The following PRDM1 variants were observed in gnomAD, a reference collection of about 807,000 sequenced individuals.
The protein encoded by PRDM1 is PR/SET domain 1.
In PRDM1, 13 loss-of-function variants were observed where a neutral mutation model predicts 62.8. The ratio of observed to expected loss-of-function variants is 0.21; its 90% CI spans 0.13 to 0.33. The LOEUF (loss-of-function observed/expected upper bound fraction) is 0.33, where lower values mean the gene tolerates loss of function less well. PRDM1 is among the 10% of genes least tolerant of loss of function. The pLI is 1.00. For missense variants in PRDM1, 895 were observed against 1,058.8 expected (o/e 0.85, Z 2.15); for synonymous variants, 396 against 417.6 (o/e 0.95, Z 0.63).
intron 1 of PRDM1, among the ~76,000 whole-genome samples, chr6:106,086,915 T>A (rs1773825293): frequency 6.6e-6 from 1 of 152,188 alleles, no homozygotes; most frequent in Non-Finnish European, 1.5e-5. Flanking sequence ...TGACTCTACA[T>A]GTTGGAACTA....
intron 1 of PRDM1, among the ~76,000 whole-genome samples, chr6:106,055,857 C>A (rs1025284527): frequency 6.6e-6 from 1 of 152,166 alleles, no homozygotes; most frequent in African/African-American, 2.4e-5. Flanking sequence ...TGCTTGCAAA[C>A]GTGCCTGTTG....
At chr6:106,015,874 T>C (rs1293992644) in intron 1 of PRDM1, among the ~76,000 whole-genome samples, 1 of 152,172 alleles carries the variant, frequency 6.6e-6, no homozygotes, top group East Asian at 1.9e-4. Flanking sequence ...TCTTCAAGTA[T>C]GCTATTCAGT....
At chr6:105,996,922 GAAAT>G (rs1772355662) in intron 1 of PRDM1, among the ~76,000 whole-genome samples, 1 of 152,160 alleles carries the variant, frequency 6.6e-6, no homozygotes, top group Non-Finnish European at 1.5e-5. Flanking sequence ...TTGCCACATT[GAAAT>G]AAATAAGAAA....
chr6:106,049,583 C>T (rs1458858985), intron 1 of PRDM1, among the ~76,000 whole-genome samples: 2 of 152,192 alleles, frequency 1.3e-5, no homozygotes, highest in African/African-American at 4.8e-5. Context: ...TTCTCCACCA[C>T]CTGCCCTGGT....
At chr6:106,051,978 C>G (rs1403831409) in intron 1 of PRDM1, among the ~76,000 whole-genome samples, 2 of 152,112 alleles carry the variant, frequency 1.3e-5, no homozygotes, top group Non-Finnish European at 2.9e-5. Flanking sequence ...GTATCTGTGT[C>G]AAGTTCATAG....
In PRDM1 at chr6:106,108,590, G is replaced by A. The variant is rs1180141862; in HGVS notation, c.*1104G>A. ...GGTGCTCTACCAGGAAGGATTCGAG[G>A]TAGATAGGCTCAGGCCACACTTTAA... On this transcript the variant is annotated 3_prime_UTR_variant, in exon 7 of 7. Transcript: ENST00000369096. 1 of 228,372 alleles carries A rather than the reference G, an allele frequency of 4.4e-6. No individual in the cohort carries two copies. Among genetic ancestry groups the A allele is most frequent in the Admixed American group, 5.8e-5 (1 of 17,328 alleles). 14.1% of individuals were successfully genotyped at this position (228,372 alleles called of 1,614,324 possible).
intron 3 of PRDM1, chr6:106,098,501 C>T (rs1774174273): frequency 8.3e-7 from 1 of 1,204,142 alleles, no homozygotes; most frequent in Non-Finnish European, 1.1e-6. Flanking sequence ...CAAAAACACA[C>T]GCCTATGGCT....
chr6:106,064,819 T>C (rs72941667), intron 1 of PRDM1, among the ~76,000 whole-genome samples: 10,369 of 152,222 alleles, frequency 0.068, 482 homozygotes, highest in Middle Eastern at 0.11. Context: ...GAAAGAGCCT[T>C]GAGAGGCTTG....
upstream of PRDM1, among the ~76,000 whole-genome samples, chr6:106,047,129 A>G (rs1167341035): frequency 6.6e-6 from 1 of 152,232 alleles, no homozygotes; most frequent in Admixed American, 6.5e-5. Context: ...TACTGTAGTC[A>G]TATTGTACCC....
intron 3 of PRDM1, chr6:106,098,718 A>G (rs1774180712): frequency 7.2e-7 from 1 of 1,397,020 alleles, no homozygotes; most frequent in Non-Finnish European, 9.5e-7. Context: ...GTTTCCACAA[A>G]AAGGCAAGGT....
intron 1 of PRDM1, among the ~76,000 whole-genome samples, chr6:106,026,968 G>A (rs754498448): frequency 6.6e-6 from 1 of 152,172 alleles, no homozygotes; most frequent in African/African-American, 2.4e-5. Context: ...TACCAAAGAC[G>A]TGTCAGAGTT....
At chr6:106,092,435 A>G (rs1432196926) in intron 2 of PRDM1, among the ~76,000 whole-genome samples, 9 of 152,190 alleles carry the variant, frequency 5.9e-5, no homozygotes, top group Non-Finnish European at 1.3e-4. Flanking sequence ...GAGTTTATAG[A>G]AGGCACAGAG....
At chr6:106,011,765 G>A (rs1772552347) in intron 1 of PRDM1, among the ~76,000 whole-genome samples, 1 of 151,908 alleles carries the variant, frequency 6.6e-6, no homozygotes, top group South Asian at 2.1e-4. Flanking sequence ...GACTGTGCTG[G>A]TGGCCAAGTT....
upstream of PRDM1, among the ~76,000 whole-genome samples, chr6:106,044,078 A>G (rs1489978215): frequency 6.6e-6 from 1 of 152,008 alleles, no homozygotes; most frequent in Non-Finnish European, 1.5e-5. Context: ...GTATATCTCA[A>G]TCTATATTGT....
At position 106,109,119 on chromosome 6, in the gene PRDM1, C is replaced by T. The variant is rs80332442; in HGVS notation, c.*1633C>T. On this transcript the variant is annotated 3_prime_UTR_variant, in exon 7 of 7. Transcript: ENST00000369096. ...AAAAAAAAAAAAAAAAAAAAGAACACTCCTTTCTGAGACTTTGCTTAATAC... is the reference window on the plus strand; with the variant it reads ...AAAAAAAAAAAAAAAAAAAAGAACATTCCTTTCTGAGACTTTGCTTAATAC... The T allele has an allele frequency of 0.043, 6,748 of 156,580 alleles. 186 individuals are homozygous for T. Among genetic ancestry groups the T allele is most frequent in the Non-Finnish European group, 0.068 (5,388 of 78,798 alleles). The allele number at this position is 156,580 out of a possible 1,614,324, so 9.7% of individuals were successfully genotyped here. A position where few individuals can be genotyped will look rare whatever the true frequency, so the allele number is the denominator to read the frequency against.
At position 106,105,001 on chromosome 6, in the gene PRDM1, G is replaced by A. The variant is rs1003783236; in HGVS notation, c.841G>A (p.Asp281Asn). The part of the protein sequence containing the change: ...ISPLTSEKDL[D>N]DFRRRGSPEM... ...ACCCCTCACATCAGAAAAGGACCTCGATGACTTTAGAAGACGTGGGAGCCC... is the reference window on the plus strand; with the variant it reads ...ACCCCTCACATCAGAAAAGGACCTCAATGACTTTAGAAGACGTGGGAGCCC... Residue 281 changes from aspartate to asparagine, a missense_variant, in exon 5 of 7, where the codon GAT becomes AAT. Coordinates refer to ENST00000369096, the MANE Select transcript of PRDM1 (RefSeq NM_001198.4). 3.9e-5 allele frequency: 63 copies of A among 1,613,912 alleles called. No homozygotes were observed. The highest frequency in any genetic ancestry group is 5.1e-5 in the Non-Finnish European group (60 of 1,180,022).
rs2114656858 is a variant in PRDM1, at chr6:106,105,656, C to G, written c.1496C>G (p.Thr499Ser). ...GCGCCCCACAGTGCCTTCTCCTTTA[C>G]CGGGGCCGCCGCCAGCATGAAGGAC... ...VPAPHSAFSF[T>S]GAAASMKDKA... The change falls in exon 5 of 7, where the codon ACC becomes AGC. Residue 499 changes from threonine to serine, a missense_variant. By Grantham distance (58) the Thr-to-Ser change is moderately conservative. Coordinates refer to ENST00000369096, the MANE Select transcript of PRDM1 (RefSeq NM_001198.4). The G allele has an allele frequency of 6.2e-7, 1 of 1,612,480 alleles. No individual in the cohort carries two copies. The highest frequency in any genetic ancestry group is 1.3e-5 in the African/African-American group (1 of 75,020).
chr6:106,078,177 T>C (rs1582453331), intron 1 of PRDM1: 1 of 152,200 alleles, frequency 6.6e-6, no homozygotes, highest in South Asian at 2.1e-4. Context: ...GTGAGTACGG[T>C]AAATTTGTAT....
chr6:106,104,689 G>C, intron 4 of PRDM1, 136 bp from the exon 5 acceptor site: 1 of 1,130,926 alleles, frequency 8.8e-7, no homozygotes, highest in Non-Finnish European at 1.3e-6. Context: ...GAATGAGAGT[G>C]CGTTGGAAGC....
Sources: gnomAD v4.1 joint callset for allele counts (sites outside exome capture counted in the v4.1 genomes callset) on GRCh38, gnomAD v4.1.1 for gene constraint, MANE v1.5 for transcripts, NCBI Gene and HGNC (gene_info 2026-07-23, HGNC 2026-07-21) for gene names.